The following BANP variants were observed in gnomAD, a reference collection of about 807,000 sequenced individuals.
BANP encodes protein BANP.
A neutral mutation model predicts 68.1 loss-of-function variants in BANP; 11 were observed. The observed-to-expected ratio is 0.16, with a 90% CI of 0.10 to 0.27. BANP has a LOEUF of 0.27. Among genes scored for constraint, BANP ranks in the 10% least tolerant of loss-of-function variants. The pLI, the probability that BANP is intolerant of heterozygous loss-of-function variation, is 1.00. For synonymous variants in BANP, 329 were observed against 303.2 expected (o/e 1.09, Z -0.88); for missense variants, 504 against 722.7 (o/e 0.70, Z 3.47).
intron 10 of BANP, chr16:88,037,169 A>G (rs1367229936): frequency 1.3e-5 from 2 of 152,228 alleles, no homozygotes; most frequent in Non-Finnish European, 2.9e-5. Context: ...AAAAAAAACA[A>G]CACACATTTG....
chr16:87,970,104 T>A (rs4132781), intron 1 of BANP: 1 of 152,002 alleles, frequency 6.6e-6, no homozygotes, highest in Non-Finnish European at 1.5e-5. Flanking sequence ...GATGGGGTTT[T>A]GCCACATTGG....
In BANP at chr16:88,002,591, C is replaced by T. The variant is rs956541766; in HGVS notation, c.363-1704C>T. Among the ~76,000 whole-genome samples, 1 of 152,078 alleles carries T rather than the reference C, an allele frequency of 6.6e-6. No individual in the cohort carries two copies. Among genetic ancestry groups the T allele is most frequent in the African/African-American group, 2.4e-5 (1 of 41,408 alleles). ...CTGGAAGGTGGGGATCTGGAGACTG[C>T]GTTGCTGAGAGCTGTTTGCATCCAT... On this transcript the variant is annotated intron_variant, in intron 4 of 13. Coordinates refer to ENST00000682872, the MANE Select transcript of BANP (RefSeq NM_001386991.1). The surrounding 1 kb of genome is among the most constrained non-coding windows in gnomAD (Gnocchi z 4.6).
rs8056801 is a variant in BANP at position 87,997,871 on chromosome 16, A to G, written c.363-6424A>G. 5.3e-3 allele frequency among the ~76,000 whole-genome samples: 812 copies of G among 152,334 alleles called. 8 individuals are homozygous for G. Among genetic ancestry groups the G allele is most frequent in the African/African-American group, 0.018 (762 of 41,566 alleles). Reference sequence around the variant, plus strand: ...GAGTGCCCACTCTTGGCTGGGTCTCATGGTGGCTGCTGGCTCCCACCAGTC... The same window carrying G: ...GAGTGCCCACTCTTGGCTGGGTCTCGTGGTGGCTGCTGGCTCCCACCAGTC... On this transcript the variant is annotated intron_variant, in intron 4 of 13. Coordinates refer to ENST00000682872, the MANE Select transcript of BANP (RefSeq NM_001386991.1).
At chr16:87,953,596 C>G (rs2057427356) in intron 1 of BANP, among the ~76,000 whole-genome samples, 1 of 152,196 alleles carries the variant, frequency 6.6e-6, no homozygotes, top group Non-Finnish European at 1.5e-5. Context: ...ATCCCCTGGA[C>G]TGTCTGTGTT....
At chr16:88,020,869 G>T (rs146897262) in intron 7 of BANP, among the ~76,000 whole-genome samples, 331 of 152,356 alleles carry the variant, frequency 2.2e-3, no homozygotes, top group African/African-American at 7.4e-3. Flanking sequence ...CACAGGGAAT[G>T]TTCCAGTGAG....
chr16:88,070,768 C>T (rs1179480518), intron 12 of BANP, among the ~76,000 whole-genome samples: 1 of 152,130 alleles, frequency 6.6e-6, no homozygotes, highest in Admixed American at 6.5e-5. Context: ...GCATTTTTTT[C>T]TGTCATTAAA....
intron 6 of BANP, among the ~76,000 whole-genome samples, chr16:88,006,958 A>G (rs1225302976): frequency 1.3e-5 from 2 of 151,876 alleles, no homozygotes; most frequent in East Asian, 3.9e-4. Context: ...AAAAAAAAAA[A>G]AAAAAAAAAA....
At chr16:87,995,199 A>T (rs1257959982) in intron 4 of BANP, among the ~76,000 whole-genome samples, 1 of 152,194 alleles carries the variant, frequency 6.6e-6, no homozygotes, top group Non-Finnish European at 1.5e-5. Flanking sequence ...TGCAGTCTGG[A>T]TGTGCGGGGG....
chr16:87,996,023 G>A (rs1001840755), intron 4 of BANP, among the ~76,000 whole-genome samples: 2 of 152,222 alleles, frequency 1.3e-5, no homozygotes, highest in African/African-American at 4.8e-5. Flanking sequence ...TGGAGGGCTG[G>A]TGCTTGCTTT....
At chr16:88,042,876 C>G (rs1402784191) in intron 11 of BANP, among the ~76,000 whole-genome samples, 2 of 152,112 alleles carry the variant, frequency 1.3e-5, no homozygotes, top group African/African-American at 4.8e-5. Context: ...GTGATTGTGC[C>G]ACTGCATTCC....
At chr16:88,049,577 G>C (rs1349321040) in intron 11 of BANP, among the ~76,000 whole-genome samples, 2 of 152,198 alleles carry the variant, frequency 1.3e-5, no homozygotes, top group Non-Finnish European at 1.5e-5. Flanking sequence ...TCATTAGAGT[G>C]AAAGGAGGGT....
intron 1 of BANP, among the ~76,000 whole-genome samples, chr16:87,967,254 CTTTTTTTTTTTTTTTTTTT>C (rs573550962): frequency 9.3e-6 from 1 of 106,992 alleles, no homozygotes; most frequent in African/African-American, 3.5e-5. Context: ...GGAAAAGGTT[CTTTTTTTTTTTTTTTTTTT>C]TTTTTTTGTA....
intron 7 of BANP, among the ~76,000 whole-genome samples, chr16:88,019,499 G>C (rs1289737692): frequency 2.0e-5 from 3 of 149,132 alleles, no homozygotes; most frequent in Admixed American, 6.8e-5. Context: ...GAAACAGGGC[G>C]AGCGAGGCAG....
At chr16:88,055,084 C>A (rs192791079) in intron 11 of BANP, among the ~76,000 whole-genome samples, 1 of 151,050 alleles carries the variant, frequency 6.6e-6, no homozygotes, top group Non-Finnish European at 1.5e-5. Flanking sequence ...GTTTCTAGTA[C>A]GTGTGTATTT....
At chr16:88,072,538 C>T (rs2090607171) in intron 13 of BANP, among the ~76,000 whole-genome samples, 1 of 152,260 alleles carries the variant, frequency 6.6e-6, no homozygotes, top group African/African-American at 2.4e-5. Flanking sequence ...GCATGGGGGC[C>T]CCTTTAGCCG....
At chr16:87,983,370 C>A (rs927128033) in intron 3 of BANP, among the ~76,000 whole-genome samples, 2 of 152,216 alleles carry the variant, frequency 1.3e-5, no homozygotes, top group Non-Finnish European at 2.9e-5. Flanking sequence ...ATGGTGGCTC[C>A]TGGCTGGGAC....
chr16:88,006,906 C>A (rs866673314), intron 6 of BANP, among the ~76,000 whole-genome samples: 1 of 138,174 alleles, frequency 7.2e-6, no homozygotes, highest in Admixed American at 7.9e-5. Flanking sequence ...GAGCTGAGAT[C>A]GCACCACTGT....
At chr16:87,965,755 T>A (rs1312587550) in intron 1 of BANP, among the ~76,000 whole-genome samples, 2 of 152,188 alleles carry the variant, frequency 1.3e-5, no homozygotes, top group African/African-American at 4.8e-5. Context: ...AGGTTAAAGA[T>A]GGTTCTGTAA....
chr16:88,006,011 C>T (rs1324949473), intron 5 of BANP, 79 bp from the exon 6 acceptor site: 18 of 1,577,398 alleles, frequency 1.1e-5, no homozygotes, highest in East Asian at 9.0e-5. Context: ...TTAGATTTTG[C>T]GATAAGGAAA....
Sources: allele counts gnomAD v4.1 joint callset (sites outside exome capture counted in the v4.1 genomes callset), GRCh38; gene constraint gnomAD v4.1.1; non-coding constraint Gnocchi (gnomAD v3.1); transcripts MANE v1.5; gene names NCBI Gene and HGNC (gene_info 2026-07-23, HGNC 2026-07-21).